The following FIGN variants were observed in gnomAD, a reference collection of about 807,000 sequenced individuals.
FIGN encodes fidgetin, microtubule severing factor, also known as fidgetin.
FIGN carries 11 observed loss-of-function variants against 51.3 expected under a neutral mutation model. That is an observed-to-expected ratio of 0.21 (90% CI 0.13 to 0.35). The LOEUF is 0.35. FIGN is among the 10% of genes least tolerant of loss of function. The pLI, the probability that FIGN is intolerant of heterozygous loss-of-function variation, is 1.00. For synonymous variants in FIGN, 407 were observed against 363.2 expected (o/e 1.12, Z -1.37); for missense variants, 857 against 943.6 (o/e 0.91, Z 1.20).
chr2:163,618,971 C>T lies in FIGN; in HGVS notation c.26-7165G>A, dbSNP rs144586596. Among the ~76,000 whole-genome samples, 316 of 152,184 alleles carry T rather than the reference C, an allele frequency of 2.1e-3. 3 individuals are homozygous for T. Among genetic ancestry groups the T allele is most frequent in the African/African-American group, 7.0e-3 (290 of 41,534 alleles). On this transcript the variant is annotated intron_variant, in intron 2 of 2. Transcript: ENST00000333129. ...CTCCCTACCCTCTTACAACACAACACGTGGGAAATAATTGATAACTTTCTT... is the reference window on the plus strand; with the variant it reads ...CTCCCTACCCTCTTACAACACAACATGTGGGAAATAATTGATAACTTTCTT...
At chr2:163,645,628 C>G (rs1036138589) in intron 2 of FIGN, among the ~76,000 whole-genome samples, 4 of 152,096 alleles carry the variant, frequency 2.6e-5, no homozygotes, top group African/African-American at 9.7e-5. Flanking sequence ...AGCAGAGGGG[C>G]CCTTTGGATC....
intron 2 of FIGN, among the ~76,000 whole-genome samples, chr2:163,697,489 G>A (rs75384528): frequency 0.01 from 1,576 of 152,198 alleles, 24 homozygotes; most frequent in African/African-American, 0.036. Context: ...GATGTGAAAT[G>A]TATTAAATGA....
chr2:163,709,769 T>C (rs1684559023), intron 2 of FIGN, among the ~76,000 whole-genome samples: 1 of 152,110 alleles, frequency 6.6e-6, no homozygotes, highest in African/African-American at 2.4e-5. Flanking sequence ...TTGGGTTTTC[T>C]TTTCATATTT....
chr2:163,664,463 A>T (rs1683741324), intron 2 of FIGN, among the ~76,000 whole-genome samples: 2 of 152,198 alleles, frequency 1.3e-5, no homozygotes, highest in Admixed American at 1.3e-4. Flanking sequence ...AATTTTACTG[A>T]TACAAAACTC....
chr2:163,653,937 G>A (rs943300912), intron 2 of FIGN, among the ~76,000 whole-genome samples: 2 of 152,098 alleles, frequency 1.3e-5, no homozygotes, highest in Non-Finnish European at 2.9e-5. Flanking sequence ...TGTCATCTAA[G>A]TAATCCCTGG....
intron 2 of FIGN, among the ~76,000 whole-genome samples, chr2:163,684,174 C>G (rs1202432650): frequency 6.6e-6 from 1 of 152,130 alleles, no homozygotes; most frequent in African/African-American, 2.4e-5. Flanking sequence ...TTTACACACA[C>G]ACACACACAC....
intron 2 of FIGN, among the ~76,000 whole-genome samples, chr2:163,731,215 A>G (rs1320074428): frequency 6.6e-6 from 1 of 152,180 alleles, no homozygotes. Flanking sequence ...ATCTGTCCCT[A>G]TGAATGTCCT....
intron 2 of FIGN, among the ~76,000 whole-genome samples, chr2:163,709,313 T>C (rs1684551566): frequency 6.6e-6 from 1 of 152,178 alleles, no homozygotes; most frequent in Admixed American, 6.6e-5. Context: ...TTTTATGTAA[T>C]CCACTTTACA....
At chr2:163,702,851 C>T (rs933084218) in intron 2 of FIGN, among the ~76,000 whole-genome samples, 1 of 152,000 alleles carries the variant, frequency 6.6e-6, no homozygotes, top group Non-Finnish European at 1.5e-5. Context: ...CAATATCTTT[C>T]TATAATAAAA....
chr2:163,685,582 G>A (rs1310769563), intron 2 of FIGN, among the ~76,000 whole-genome samples: 1 of 152,174 alleles, frequency 6.6e-6, no homozygotes, highest in East Asian at 1.9e-4. Flanking sequence ...TTAGATTAAG[G>A]TTATGTTAGC....
chr2:163,622,156 T>A (rs911106955), intron 2 of FIGN, among the ~76,000 whole-genome samples: 2 of 152,114 alleles, frequency 1.3e-5, no homozygotes, highest in African/African-American at 4.8e-5. Context: ...GTCTCTAATA[T>A]AGCAACTAAA....
intron 2 of FIGN, among the ~76,000 whole-genome samples, chr2:163,622,034 C>A (rs1014810793): frequency 2.6e-5 from 4 of 152,116 alleles, no homozygotes; most frequent in Admixed American, 6.6e-5. Flanking sequence ...CTGATCCAGT[C>A]CTGTGTGTAT....
chr2:163,625,089 A>C (rs558589244), intron 2 of FIGN, among the ~76,000 whole-genome samples: 70 of 152,174 alleles, frequency 4.6e-4, no homozygotes, highest in African/African-American at 1.6e-3. Flanking sequence ...CAACTTAGTC[A>C]AGAGGTTTTT....
intron 2 of FIGN, among the ~76,000 whole-genome samples, chr2:163,714,826 A>G (rs1684643932): frequency 6.6e-6 from 1 of 152,234 alleles, no homozygotes; most frequent in Non-Finnish European, 1.5e-5. Context: ...ATGAGTTTCA[A>G]CCTAATACAT....
rs773750787 is a variant in FIGN at position 163,610,755 on chromosome 2, T to G, written c.1077A>C (p.Thr359=). ...YRMPDNSISN[T]NRGNGFDRSA... ...TTCTGTCAAAGCCATTCCCCCGATT[T>G]GTGTTTGAAATGCTGTTGTCGGGCA... Residue 359 remains threonine (T), a synonymous_variant, in exon 3 of 3, where the codon ACA becomes ACC. Transcript: ENST00000333129. The G allele has an allele frequency of 3.8e-5, 62 of 1,614,056 alleles. No individual in the cohort carries two copies. Among genetic ancestry groups the G allele is most frequent in the Non-Finnish European group, 5.1e-5 (60 of 1,180,026 alleles).
Position 163,669,015 on chromosome 2 carries a change from AAT to A in FIGN, c.26-57211_26-57210del, listed in dbSNP as rs138074416. ...TCTTAGCATAATTAAGAAAAAAAGGAATATATATATATATATATATACACTAT... is the reference window on the plus strand; with the variant it reads ...TCTTAGCATAATTAAGAAAAAAAGGAATATATATATATATATATACACTAT... On this transcript the variant is annotated intron_variant, in intron 2 of 2. Coordinates refer to ENST00000333129, the MANE Select transcript of FIGN (RefSeq NM_018086.4). Among the ~76,000 whole-genome samples, 1,073 of 138,414 alleles carry A rather than the reference AAT, an allele frequency of 7.8e-3. 18 individuals carry two copies. Among genetic ancestry groups the A allele is most frequent in the African/African-American group, 0.025 (901 of 35,414 alleles). 90.8% of individuals were successfully genotyped at this position (138,414 alleles called of 152,430 possible). A position where few individuals can be genotyped will look rare whatever the true frequency, so the allele number is the denominator to read the frequency against.
intron 2 of FIGN, among the ~76,000 whole-genome samples, chr2:163,633,849 G>C (rs1321869111): frequency 6.6e-6 from 1 of 152,078 alleles, no homozygotes; most frequent in Non-Finnish European, 1.5e-5. Flanking sequence ...TTGCCTACCT[G>C]ATGGGCACAA....
chr2:163,658,452 T>G lies in FIGN; in HGVS notation c.26-46646A>C, dbSNP rs75148339. On this transcript the variant is annotated intron_variant, in intron 2 of 2. Coordinates refer to ENST00000333129, the MANE Select transcript of FIGN (RefSeq NM_018086.4). ...GTTGGTATAAAGGAATACCTGAAAC[T>G]AGGTCATTCATTTATAAAGAAAAAG... is the stretch of plus-strand genomic sequence containing the variant. Among the ~76,000 whole-genome samples, 1,228 of 151,770 alleles carry G rather than the reference T, an allele frequency of 8.1e-3. 16 individuals are homozygous for G. The highest frequency in any genetic ancestry group is 0.044 in the Middle Eastern group (13 of 294).
At chr2:163,633,318 G>A (rs796725322) in intron 2 of FIGN, among the ~76,000 whole-genome samples, 18 of 152,164 alleles carry the variant, frequency 1.2e-4, no homozygotes, top group African/African-American at 4.1e-4. Context: ...CACTTTCTAC[G>A]GGCCAGGAAA....
Sources: gnomAD v4.1 joint callset for allele counts (sites outside exome capture counted in the v4.1 genomes callset) on GRCh38, gnomAD v4.1.1 for gene constraint, MANE v1.5 for transcripts, NCBI Gene and HGNC (gene_info 2026-07-23, HGNC 2026-07-21) for gene names.